Variants in PDE7B observed in about 807,000 individuals in gnomAD.
PDE7B encodes phosphodiesterase 7B.
In PDE7B, 29 loss-of-function variants were observed where a neutral mutation model predicts 56.2. That is an observed-to-expected ratio of 0.52 (90% CI 0.38 to 0.70). The LOEUF is 0.70. Ranked by LOEUF, PDE7B falls within the 30% of genes least tolerant of loss-of-function variation. The pLI is 0.00. For synonymous variants in PDE7B, 197 were observed against 196.9 expected (o/e 1.00, Z 0.00); for missense variants, 490 against 565.0 (o/e 0.87, Z 1.35).
In PDE7B at chr6:136,037,084, C is replaced by T. The variant is rs1011767260; in HGVS notation, c.83-71647C>T. Among the ~76,000 whole-genome samples the T allele has an allele frequency of 3.3e-5, 5 of 152,306 alleles. No homozygotes were observed. The South Asian group carries it at 6.2e-4, about 19-fold the overall frequency. ...GCCCTCGATTCAACCACTCTCAGGT[C>T]GGGGACACAGTAGTCAGTGGCCCAC... On this transcript the variant is annotated intron_variant, in intron 2 of 12. Coordinates refer to ENST00000308191, the MANE Select transcript of PDE7B (RefSeq NM_018945.4).
chr6:135,993,263 G>A (rs1039189496), intron 2 of PDE7B: 5 of 152,218 alleles, frequency 3.3e-5, no homozygotes, highest in African/African-American at 1.2e-4. Flanking sequence ...CAACATCTTA[G>A]CATTCCGCAA....
chr6:136,171,671 T>C (rs1372802127), intron 8 of PDE7B, among the ~76,000 whole-genome samples: 3 of 152,016 alleles, frequency 2.0e-5, no homozygotes, highest in Non-Finnish European at 4.4e-5. Flanking sequence ...AGTTTTAGGG[T>C]ACATGTGCAC....
At chr6:135,897,018 T>A (rs1241443700) in intron 1 of PDE7B, among the ~76,000 whole-genome samples, 1 of 152,206 alleles carries the variant, frequency 6.6e-6, no homozygotes, top group East Asian at 1.9e-4. Flanking sequence ...GACTCTCTGA[T>A]ACCTCTCTCA....
chr6:136,185,822 G>A (rs547966242), intron 11 of PDE7B, among the ~76,000 whole-genome samples: 1 of 152,142 alleles, frequency 6.6e-6, no homozygotes, highest in South Asian at 2.1e-4. Flanking sequence ...GAACGTGCCT[G>A]GCACACGGTA....
chr6:136,107,333 CTGATTCAGTTCTTCCA>C (rs1358764193), intron 2 of PDE7B, among the ~76,000 whole-genome samples: 2 of 152,162 alleles, frequency 1.3e-5, no homozygotes, highest in East Asian at 3.8e-4. Flanking sequence ...GAAACCTTCC[CTGATTCAGTTCTTCCA>C]GAGATACATT....
chr6:135,880,065 G>A (rs1775577954), intron 1 of PDE7B, among the ~76,000 whole-genome samples: 1 of 152,152 alleles, frequency 6.6e-6, no homozygotes, highest in Non-Finnish European at 1.5e-5. Context: ...GAAGGCAGAT[G>A]CTCTGGAAAA....
chr6:135,944,466 T>C (rs1290673088), intron 1 of PDE7B, among the ~76,000 whole-genome samples: 1 of 151,882 alleles, frequency 6.6e-6, no homozygotes, highest in East Asian at 1.9e-4. Context: ...TCTGTTACCA[T>C]CATCAGGTAA....
rs73561334 is a variant in PDE7B at position 136,121,951 on chromosome 6, A to G, written c.166+13137A>G. ...AGGCTGAAACCCTTACTAAATGTTAAGGGTTGGTTAGAACCAGACCAGTGA... is the reference window on the plus strand; with the variant it reads ...AGGCTGAAACCCTTACTAAATGTTAGGGGTTGGTTAGAACCAGACCAGTGA... On this transcript the variant is annotated intron_variant, in intron 3 of 12. Coordinates refer to ENST00000308191, the MANE Select transcript of PDE7B (RefSeq NM_018945.4). 7.3e-3 allele frequency among the ~76,000 whole-genome samples: 1,116 copies of G among 152,298 alleles called. 5 individuals are homozygous for G. Among genetic ancestry groups the G allele is most frequent in the African/African-American group, 0.024 (990 of 41,566 alleles).
At chr6:136,084,225 G>A (rs547872869) in intron 2 of PDE7B, among the ~76,000 whole-genome samples, 2 of 152,220 alleles carry the variant, frequency 1.3e-5, no homozygotes, top group Admixed American at 6.5e-5. Flanking sequence ...ATCCCAATTC[G>A]CTAAAGTTAG....
chr6:135,935,840 A>AT (rs1774411192), intron 1 of PDE7B, among the ~76,000 whole-genome samples: 1 of 152,218 alleles, frequency 6.6e-6, no homozygotes, highest in Admixed American at 6.5e-5. Flanking sequence ...TGCCAGTAGA[A>AT]TTTAAGGAAA....
At position 136,085,772 on chromosome 6, in the gene PDE7B, G is replaced by A. The variant is rs1777281386; in HGVS notation, c.83-22959G>A. Reference sequence around the variant, plus strand: ...ACAGCTCCACTTCCAATACCGGGAAGTTATTGCCCCCACATTAATCCCTGG... The same window carrying A: ...ACAGCTCCACTTCCAATACCGGGAAATTATTGCCCCCACATTAATCCCTGG... On this transcript the variant is annotated intron_variant, in intron 2 of 12. Transcript: ENST00000308191. Among the ~76,000 whole-genome samples, 3 of 152,340 alleles carry A rather than the reference G, an allele frequency of 2.0e-5. No homozygotes were observed. The South Asian group carries it at 6.2e-4, about 32-fold the overall frequency.
intron 3 of PDE7B, among the ~76,000 whole-genome samples, chr6:136,136,296 C>T (rs1234578868): frequency 6.6e-6 from 1 of 152,092 alleles, no homozygotes; most frequent in Non-Finnish European, 1.5e-5. Context: ...GATGAGAGCA[C>T]ACACATCAGG....
chr6:136,037,570 G>C (rs1023371916), intron 2 of PDE7B: 3 of 985,356 alleles, frequency 3.0e-6, no homozygotes, highest in Middle Eastern at 5.2e-4. Context: ...GCCCTCCAGA[G>C]AGAAGCAGCT....
chr6:136,193,468 C>T lies in PDE7B; in HGVS notation c.*1628C>T, dbSNP rs1355359398. ...AGCTTGGAGTGTCACCTTGGAATTT[C>T]GTTGCCATTTTTTCTCAGACACCTG... is the stretch of plus-strand genomic sequence containing the variant. On this transcript the variant is annotated 3_prime_UTR_variant, in exon 13 of 13. Coordinates refer to ENST00000308191, the MANE Select transcript of PDE7B (RefSeq NM_018945.4). 1 of 152,504 alleles carries T rather than the reference C, an allele frequency of 6.6e-6. No individual in the cohort carries two copies. The highest frequency in any genetic ancestry group is 1.5e-5 in the Non-Finnish European group (1 of 68,026). 9.4% of individuals were successfully genotyped at this position (152,504 alleles called of 1,614,324 possible). A position where few individuals can be genotyped will look rare whatever the true frequency, so the allele number is the denominator to read the frequency against.
At chr6:135,951,835 C>A (rs1277807886) in intron 2 of PDE7B, among the ~76,000 whole-genome samples, 2 of 152,032 alleles carry the variant, frequency 1.3e-5, no homozygotes, top group Admixed American at 1.3e-4. Context: ...CACTTTCTTA[C>A]CTGCCATAAC....
chr6:136,187,043 T>G lies in PDE7B; in HGVS notation c.1053T>G (p.Leu351=). 6.4e-7 allele frequency: 1 copy of G among 1,551,406 alleles called. No homozygotes were observed. Among genetic ancestry groups the G allele is most frequent in the Non-Finnish European group, 8.9e-7 (1 of 1,124,678 alleles). Residue 351 remains leucine, a synonymous_variant, in exon 12 of 13, where the codon CTT becomes CTG. Transcript: ENST00000308191. ...TTCTTTCTTTCTTCTTAGGTGAACT[T>G]GAACAGAAATTTGAACTGGAAATCA... ...VCEEFYRQGE[L]EQKFELEISP... is the part of the protein sequence containing the mutation.
chr6:135,926,962 C>A (rs1310373236), intron 1 of PDE7B, among the ~76,000 whole-genome samples: 2 of 152,076 alleles, frequency 1.3e-5, no homozygotes, highest in East Asian at 1.9e-4. Flanking sequence ...ATGTTGAATT[C>A]ATGTTCTTAT....
intron 2 of PDE7B, among the ~76,000 whole-genome samples, chr6:136,032,002 T>A (rs9402788): frequency 0.33 from 50,757 of 152,030 alleles, 8,831 homozygotes; most frequent in Admixed American, 0.43. Context: ...TCACTTATTT[T>A]AAAAAATTAA....
At chr6:135,972,104 C>T (rs2128203002) in intron 2 of PDE7B, among the ~76,000 whole-genome samples, 1 of 151,732 alleles carries the variant, frequency 6.6e-6, no homozygotes, top group East Asian at 1.9e-4. Context: ...TGTGGTGGTG[C>T]CCACCTGTAA....
Sources: allele counts gnomAD v4.1 joint callset (sites outside exome capture counted in the v4.1 genomes callset), GRCh38; gene constraint gnomAD v4.1.1; transcripts MANE v1.5; gene names NCBI Gene and HGNC (gene_info 2026-07-23, HGNC 2026-07-21).